The following PDE10A variants were observed in gnomAD, a reference collection of about 807,000 sequenced individuals.
The protein encoded by PDE10A is phosphodiesterase 10A.
Under a neutral mutation model 97.7 loss-of-function variants are expected in PDE10A, and 39 were observed. That is an observed-to-expected ratio of 0.40 (90% CI 0.31 to 0.52). PDE10A has a LOEUF of 0.52. Among genes scored for constraint, PDE10A ranks in the 20% least tolerant of loss-of-function variants. PDE10A has a pLI of 0.56. For synonymous variants in PDE10A, 371 were observed against 376.8 expected, an observed-to-expected ratio of 0.98 and a Z score of 0.18; for missense variants, 731 against 1,047.8, an observed-to-expected ratio of 0.70 and a Z score of 4.17.
At chr6:165,748,451 C>G (rs1792892965) in intron 1 of PDE10A, among the ~76,000 whole-genome samples, 1 of 152,190 alleles carries the variant, frequency 6.6e-6, no homozygotes, top group Non-Finnish European at 1.5e-5. Context: ...AGCGCACTCT[C>G]CGTAGCTTGG....
chr6:165,850,603 G>C (rs1368362469), intron 1 of PDE10A, among the ~76,000 whole-genome samples: 2 of 152,100 alleles, frequency 1.3e-5, no homozygotes, highest in Non-Finnish European at 2.9e-5. Context: ...AAGAGATCGA[G>C]GAGCGACACT....
At chr6:165,408,375 TA>T (rs748164828) in intron 13 of PDE10A, among the ~76,000 whole-genome samples, 3 of 152,126 alleles carry the variant, frequency 2.0e-5, no homozygotes, top group Non-Finnish European at 4.4e-5. Context: ...GTGTTTTTCC[TA>T]ATTTTCATAT....
At chr6:165,570,009 T>C (rs1240630959) in intron 1 of PDE10A, among the ~76,000 whole-genome samples, 2 of 152,172 alleles carry the variant, frequency 1.3e-5, no homozygotes, top group African/African-American at 4.8e-5. Context: ...TCTTCTCTGT[T>C]ATGGACTAAA....
chr6:165,850,038 G>A (rs1011639229), intron 1 of PDE10A, among the ~76,000 whole-genome samples: 13 of 151,954 alleles, frequency 8.6e-5, no homozygotes, highest in Admixed American at 2.6e-4. Flanking sequence ...GTACTTTCTG[G>A]GTACTTTAAT....
chr6:165,350,944 T>A (rs1782651183), intron 18 of PDE10A, among the ~76,000 whole-genome samples: 1 of 152,222 alleles, frequency 6.6e-6, no homozygotes, highest in African/African-American at 2.4e-5. Context: ...CTTTTCTTTA[T>A]AAATTACTCA....
intron 5 of PDE10A, among the ~76,000 whole-genome samples, chr6:165,435,621 C>T (rs1789958917): frequency 6.6e-6 from 1 of 152,160 alleles, no homozygotes; most frequent in South Asian, 2.1e-4. Context: ...CACAGAAACA[C>T]TCTTCAAATA....
intron 1 of PDE10A, among the ~76,000 whole-genome samples, chr6:165,927,927 C>T (rs1227464763): frequency 6.6e-6 from 1 of 150,602 alleles, no homozygotes; most frequent in East Asian, 1.9e-4. Context: ...TAACTCCTAA[C>T]CTTAAGTGAT....
chr6:165,842,014 CA>C (rs1385695069), intron 1 of PDE10A, among the ~76,000 whole-genome samples: 8 of 151,956 alleles, frequency 5.3e-5, no homozygotes, highest in Admixed American at 2.0e-4. Flanking sequence ...TGATAGAATA[CA>C]AAAAAGGAAA....
intron 1 of PDE10A, among the ~76,000 whole-genome samples, chr6:165,725,595 G>A (rs9457112): frequency 6.6e-6 from 1 of 152,008 alleles, no homozygotes; most frequent in East Asian, 1.9e-4. Flanking sequence ...AATAGGGGAG[G>A]CCCGTGGAGT....
intron 3 of PDE10A, among the ~76,000 whole-genome samples, chr6:165,466,744 AC>A (rs1221597186): frequency 3.3e-5 from 5 of 152,142 alleles, no homozygotes. Context: ...CTGAGACAAA[AC>A]AATGTTGAAA....
At chr6:165,606,780 C>T (rs1005169096) in intron 1 of PDE10A, among the ~76,000 whole-genome samples, 2 of 152,044 alleles carry the variant, frequency 1.3e-5, no homozygotes, top group Non-Finnish European at 2.9e-5. Context: ...AAAGCATCTG[C>T]GGCTTGGTGT....
intron 1 of PDE10A, among the ~76,000 whole-genome samples, chr6:165,788,534 A>G (rs1433574821): frequency 2.0e-5 from 3 of 150,148 alleles, no homozygotes; most frequent in Admixed American, 6.6e-5. Context: ...AAAAAAAAAA[A>G]AAAAAGAAAA....
chr6:165,655,847 G>A lies in PDE10A; in HGVS notation c.865+6100C>T, dbSNP rs559535403. Among the ~76,000 whole-genome samples, 3 of 152,166 alleles carry A rather than the reference G, an allele frequency of 2.0e-5. No homozygotes were observed. Among genetic ancestry groups the A allele is most frequent in the African/African-American group, 7.2e-5 (3 of 41,540 alleles). On this transcript the variant is annotated intron_variant, in intron 1 of 21. Coordinates refer to ENST00000539869, the MANE Select transcript of PDE10A (RefSeq NM_001385079.1). The surrounding 1 kb of genome is among the most constrained non-coding windows in gnomAD (Gnocchi z 4.5). Reference sequence around the variant, plus strand: ...CACTTGCCACTGCCTGGTGGGCTCAGCTCCAGCACGGCCGTCACCCCGCTC... The same window carrying A: ...CACTTGCCACTGCCTGGTGGGCTCAACTCCAGCACGGCCGTCACCCCGCTC...
Position 165,450,343 on chromosome 6 carries a change from T to C in PDE10A, c.1043A>G (p.Gln348Arg). Residue 348 changes from glutamine to arginine, a missense_variant, in exon 4 of 22, where the codon CAG (glutamine) becomes CGG (arginine). By Grantham distance (43) the Gln-to-Arg change is conservative. This residue lies in a region of PDE10A where 181 missense variants were observed against 159.1 expected (regional missense o/e 1.14). Transcript: ENST00000539869. ...GCTGTTTAGTTCATATACAACTCCC[T>C]GCATATTCGTATCTTGGTACTTTGG... ...EVSRYQDTNM[Q>R]GVVYELNSYI... 6.5e-7 allele frequency: 1 copy of C among 1,547,030 alleles called. No homozygotes were observed. The highest frequency in any genetic ancestry group is 8.8e-7 in the Non-Finnish European group (1 of 1,130,134).
intron 8 of PDE10A, 59 bp from the exon 9 acceptor site, chr6:165,430,404 C>T: frequency 9.3e-7 from 1 of 1,071,760 alleles, no homozygotes; most frequent in Non-Finnish European, 1.4e-6. Context: ...CAAAATAAAA[C>T]TTCCAGAATA....
intron 1 of PDE10A, among the ~76,000 whole-genome samples, chr6:165,732,790 A>G (rs1792473334): frequency 6.6e-6 from 1 of 152,202 alleles, no homozygotes; most frequent in African/African-American, 2.4e-5. Context: ...GCGCTGTCCC[A>G]GTTCTGACTC....
chr6:165,795,573 A>AAAAC (rs574196141), intron 1 of PDE10A, among the ~76,000 whole-genome samples: 13,766 of 151,648 alleles, frequency 0.091, 693 homozygotes, highest in Middle Eastern at 0.17. Flanking sequence ...TAAAAATACA[A>AAAAC]AAACAAACAA....
At chr6:165,448,573 T>A (rs1273302623) in intron 5 of PDE10A, among the ~76,000 whole-genome samples, 2 of 152,190 alleles carry the variant, frequency 1.3e-5, no homozygotes, top group Non-Finnish European at 2.9e-5. Flanking sequence ...TTAATTCTAC[T>A]GTAGATCATG....
intron 17 of PDE10A, among the ~76,000 whole-genome samples, chr6:165,382,357 G>A (rs1160727605): frequency 6.6e-6 from 1 of 152,130 alleles, no homozygotes; most frequent in Non-Finnish European, 1.5e-5. Context: ...AAATGTCAAC[G>A]ATGCAACTAA....
Sources: allele counts gnomAD v4.1 joint callset (sites outside exome capture counted in the v4.1 genomes callset), GRCh38; gene constraint gnomAD v4.1.1; regional missense constraint gnomAD v4.1.1; non-coding constraint Gnocchi (gnomAD v3.1); transcripts MANE v1.5; gene names NCBI Gene and HGNC (gene_info 2026-07-23, HGNC 2026-07-21).